Variants in TRPM2 observed in about 807,000 individuals in gnomAD.
The protein encoded by TRPM2 is estrogen-responsive element-associated gene 1 protein.
In TRPM2, 161 loss-of-function variants were observed where a neutral mutation model predicts 174.0. The observed-to-expected ratio is 0.93, with a 90% CI of 0.81 to 1.05. The LOEUF (loss-of-function observed/expected upper bound fraction) is 1.05. TRPM2 is among the 50% of genes least tolerant of loss of function. The probability of loss-of-function intolerance (pLI) is 0.00; values close to 1 mark genes in which losing one functional copy is unlikely to be tolerated. For synonymous variants in TRPM2, 954 were observed against 861.3 expected (o/e 1.11, Z -1.88); for missense variants, 2,057 against 2,038.0 (o/e 1.01, Z -0.18).
chr21:44,404,088 C>T (rs573189300), intron 16 of TRPM2, among the ~76,000 whole-genome samples: 7 of 152,090 alleles, frequency 4.6e-5, no homozygotes, highest in Non-Finnish European at 8.8e-5. Context: ...CATGTACACA[C>T]ATACACACAC....
chr21:44,393,686 G>C (rs553026040), intron 11 of TRPM2, among the ~76,000 whole-genome samples: 2 of 151,326 alleles, frequency 1.3e-5, no homozygotes, highest in African/African-American at 4.8e-5. Flanking sequence ...ATTGGTAATA[G>C]TTCTAGTAAC....
chr21:44,395,175 G>A (rs989868508), intron 11 of TRPM2, among the ~76,000 whole-genome samples: 2 of 152,238 alleles, frequency 1.3e-5, no homozygotes, highest in Non-Finnish European at 2.9e-5. Flanking sequence ...ACACATGTTG[G>A]TAAAGGAGTT....
At position 44,399,307 on chromosome 21, in the gene TRPM2, G is replaced by T. The variant is rs148508882; in HGVS notation, c.2074G>T (p.Glu692Ter). 2.5e-6 allele frequency: 4 copies of T among 1,612,446 alleles called. No individual in the cohort carries two copies. Among genetic ancestry groups the T allele is most frequent in the Non-Finnish European group, 3.4e-6 (4 of 1,179,720 alleles). The change falls in exon 14 of 32, where the codon GAG (glutamate) becomes TAG (stop). Residue 692 changes from glutamate (E) to a stop codon, truncating the protein, a stop_gained. Transcript: ENST00000397928. LOFTEE classifies it high-confidence loss of function. The surrounding 1 kb of genome is among the most constrained non-coding windows in gnomAD (Gnocchi z 4.6). ...ATATCTCCGCCCAGGGGTCTTCACC[G>T]AGTGCTACCGGAAGGACGAAGAGAG... ...YEHRAIGVFT[E>*]CYRKDEERAQ...
chr21:44,363,314 TGCTGC>T (rs1483108658), intron 2 of TRPM2, among the ~76,000 whole-genome samples: 1 of 152,210 alleles, frequency 6.6e-6, no homozygotes, highest in Non-Finnish European at 1.5e-5. Flanking sequence ...TTTGTTATAG[TGCTGC>T]AGGTCCCAGA....
chr21:44,366,852 CG>C lies in TRPM2; in HGVS notation c.529del (p.Ala177ProfsTer6), dbSNP rs762935066. On this transcript the variant is annotated frameshift_variant, in exon 4 of 32. Coordinates refer to ENST00000397928, the MANE Select transcript of TRPM2 (RefSeq NM_003307.4). LOFTEE classifies it high-confidence loss of function. The surrounding 1 kb of genome is among the most constrained non-coding windows in gnomAD (Gnocchi z 6.0). ...DVPNLLISVT[G>X]GAKNFNMKPR... The stretch of plus-strand genomic sequence containing the variant: ...TCCCCAATCTCTTGATCTCGGTGAC[CG>C]GGGGGGCCAAGAACTTCAACATGAA... 3.7e-5 allele frequency: 59 copies of C among 1,613,364 alleles called. No individual in the cohort carries two copies. The highest frequency in any genetic ancestry group is 1.2e-4 in the Admixed American group (7 of 59,962).
At chr21:44,419,814 A>AGCGGTGATG (rs2050474836) in intron 22 of TRPM2, among the ~76,000 whole-genome samples, 1 of 112,666 alleles carries the variant, frequency 8.9e-6, no homozygotes, top group South Asian at 3.0e-4. Context: ...TGATGTTGGC[A>AGCGGTGATG]GTGGTGGTGG....
rs1315242485 is a variant in TRPM2 at position 44,391,509 on chromosome 21, C to A, written c.1678C>A (p.His560Asn). 1 of 1,609,774 alleles carries A rather than the reference C, an allele frequency of 6.2e-7. No homozygotes were observed. Among genetic ancestry groups the A allele is most frequent in the Admixed American group, 1.7e-5 (1 of 59,904 alleles). The change falls in exon 11 of 32, where the codon CAC becomes AAC. Residue 560 changes from histidine (H) to asparagine (N), a missense_variant. Physicochemically the swap from His to Asn is moderately conservative, Grantham distance 68 (BLOSUM62 1). Coordinates refer to ENST00000397928, the MANE Select transcript of TRPM2 (RefSeq NM_003307.4). The surrounding 1 kb of genome is among the most constrained non-coding windows in gnomAD (Gnocchi z 5.0). ...CGCGGCGCCCCGCCTGCAGATGCAC[C>A]ACGTGGCCCAGGTGCTGCGGGAGCT... ...APAAPRLQMHHVAQVLRELLG... is the reference protein window; with the variant it reads ...APAAPRLQMHNVAQVLRELLG...
At chr21:44,355,931 G>C (rs945717473) in intron 2 of TRPM2, among the ~76,000 whole-genome samples, 36 of 151,564 alleles carry the variant, frequency 2.4e-4, no homozygotes, top group African/African-American at 7.5e-4. Context: ...ATATGAGATG[G>C]TGTGGTATTT....
intron 3 of TRPM2, 62 bp downstream of exon 3, chr21:44,364,344 G>A (rs756832999): frequency 5.1e-6 from 8 of 1,572,462 alleles, no homozygotes; most frequent in South Asian, 2.3e-5. Flanking sequence ...ACAGTGACAC[G>A]CGGTGGTCGG....
Position 44,391,627 on chromosome 21 carries a change from T to C in TRPM2, c.1794+2T>C. On this transcript the variant is annotated splice_donor_variant, in intron 11 of 31. Transcript: ENST00000397928. LOFTEE classifies it high-confidence loss of function. The surrounding 1 kb of genome is among the most constrained non-coding windows in gnomAD (Gnocchi z 5.0). ...CCCGTTCCCCACGTCAAGCTCAACG[T>C]GCGTGCTGGTAACGGGGCCCATCCT... 1 of 1,567,540 alleles carries C rather than the reference T, an allele frequency of 6.4e-7. No individual in the cohort carries two copies. Among genetic ancestry groups the C allele is most frequent in the Non-Finnish European group, 8.6e-7 (1 of 1,163,444 alleles).
intron 3 of TRPM2, 70 bp downstream of exon 3, chr21:44,364,352 C>T (rs551713183): frequency 8.9e-5 from 139 of 1,561,794 alleles, no homozygotes; most frequent in South Asian, 1.2e-4. Flanking sequence ...ACGCGGTGGT[C>T]GGCATTTCCT....
At chr21:44,389,848 G>A (rs1354219090) in intron 9 of TRPM2, among the ~76,000 whole-genome samples, 5 of 150,774 alleles carry the variant, frequency 3.3e-5, no homozygotes, top group Non-Finnish European at 7.4e-5. Context: ...TCTTCAAGAT[G>A]TCTTTGAAGA....
intron 31 of TRPM2, among the ~76,000 whole-genome samples, chr21:44,441,408 T>G (rs868030229): frequency 1.7e-4 from 26 of 152,252 alleles, no homozygotes; most frequent in Middle Eastern, 3.2e-3. Flanking sequence ...TGCATGCTCC[T>G]AATTCAGAAC....
At chr21:44,369,434 G>C in intron 5 of TRPM2, 91 bp downstream of exon 5, 2 of 1,453,246 alleles carry the variant, frequency 1.4e-6, no homozygotes, top group Non-Finnish European at 9.1e-7. Context: ...GAGTGTACGG[G>C]GGCCGGGGTG....
At chr21:44,355,505 C>T (rs1021379020) in intron 2 of TRPM2, among the ~76,000 whole-genome samples, 3 of 152,354 alleles carry the variant, frequency 2.0e-5, no homozygotes. Context: ...TGCCGTGCAG[C>T]CTTCCGTGAC....
At chr21:44,422,551 G>T in intron 22 of TRPM2, 1 of 1,210,610 alleles carries the variant, frequency 8.3e-7, no homozygotes, top group Non-Finnish European at 1.1e-6. Flanking sequence ...TCCCCAGAAA[G>T]TTTCTGTGTT....
chr21:44,420,098 A>G (rs1371403900), intron 22 of TRPM2, among the ~76,000 whole-genome samples: 1 of 152,124 alleles, frequency 6.6e-6, no homozygotes, highest in Admixed American at 6.5e-5. Flanking sequence ...AGTGAACTAG[A>G]TACACGTGTC....
intron 4 of TRPM2, 72 bp from the exon 5 acceptor site, chr21:44,369,105 C>A: frequency 7.1e-7 from 1 of 1,412,774 alleles, no homozygotes; most frequent in African/African-American, 1.7e-5. Context: ...TAGAAGGGCT[C>A]AGGCGTCAGG....
intron 20 of TRPM2, among the ~76,000 whole-genome samples, chr21:44,414,322 G>A (rs1379589584): frequency 2.6e-5 from 4 of 152,230 alleles, no homozygotes; most frequent in African/African-American, 4.8e-5. Flanking sequence ...GGGGACCCGC[G>A]GTGCTGTGGA....
Sources: allele counts gnomAD v4.1 joint callset (sites outside exome capture counted in the v4.1 genomes callset), GRCh38; gene constraint gnomAD v4.1.1; non-coding constraint Gnocchi (gnomAD v3.1); transcripts MANE v1.5; gene names NCBI Gene and HGNC (gene_info 2026-07-23, HGNC 2026-07-21).